Variants in CLSTN2 observed in about 807,000 individuals in gnomAD.
CLSTN2 encodes calsyntenin-2.
Under a neutral mutation model 101.2 loss-of-function variants are expected in CLSTN2, and 48 were observed. The ratio of observed to expected loss-of-function variants is 0.47; its 90% CI spans 0.38 to 0.60. The LOEUF (loss-of-function observed/expected upper bound fraction) is 0.60, where lower values mean the gene tolerates loss of function less well. CLSTN2 is among the 20% of genes least tolerant of loss of function. The pLI is 0.00. For missense variants in CLSTN2, 1,160 were observed against 1,238.2 expected (o/e 0.94, Z 0.95); for synonymous variants, 481 against 463.6 (o/e 1.04, Z -0.48).
chr3:140,359,993 TACACACAC>T (rs55746611), intron 2 of CLSTN2, among the ~76,000 whole-genome samples: 55,459 of 145,706 alleles, frequency 0.38, 11,336 homozygotes, highest in Non-Finnish European at 0.48. Context: ...ACATATTTTA[TACACACAC>T]ACACACACAC....
intron 2 of CLSTN2, among the ~76,000 whole-genome samples, chr3:140,373,353 C>T (rs60991598): frequency 0.027 from 4,061 of 152,272 alleles, 201 homozygotes; most frequent in African/African-American, 0.094. Flanking sequence ...GCCTCTTCCC[C>T]CTACTGCTCC....
intron 9 of CLSTN2, among the ~76,000 whole-genome samples, chr3:140,533,088 C>T (rs1187592607): frequency 6.6e-6 from 1 of 152,206 alleles, no homozygotes; most frequent in Non-Finnish European, 1.5e-5. Flanking sequence ...CTGCCCCTTC[C>T]TCTCTTCTTG....
intron 2 of CLSTN2, among the ~76,000 whole-genome samples, chr3:140,272,862 G>A (rs2086755688): frequency 6.6e-6 from 1 of 152,042 alleles, no homozygotes; most frequent in Non-Finnish European, 1.5e-5. Flanking sequence ...CTTTAAGGAA[G>A]GTTGTGATTG....
At chr3:140,165,400 G>A (rs1203190935) in intron 1 of CLSTN2, among the ~76,000 whole-genome samples, 3 of 152,200 alleles carry the variant, frequency 2.0e-5, no homozygotes, top group African/African-American at 7.2e-5. Context: ...GTTAGGAACT[G>A]TAGACATCGT....
At chr3:140,347,473 A>C (rs2087560815) in intron 2 of CLSTN2, among the ~76,000 whole-genome samples, 1 of 152,200 alleles carries the variant, frequency 6.6e-6, no homozygotes, top group Non-Finnish European at 1.5e-5. Flanking sequence ...ACTCATCATG[A>C]TTCTGCTGTT....
chr3:140,527,228 C>T (rs1171632367), intron 8 of CLSTN2, among the ~76,000 whole-genome samples: 1 of 151,896 alleles, frequency 6.6e-6, no homozygotes, highest in Non-Finnish European at 1.5e-5. Flanking sequence ...CATAAATCAA[C>T]AAGCAAAAAC....
intron 1 of CLSTN2, among the ~76,000 whole-genome samples, chr3:140,045,089 A>C (rs1474581809): frequency 6.6e-6 from 1 of 152,188 alleles, no homozygotes; most frequent in African/African-American, 2.4e-5. Flanking sequence ...TGATTGGAAT[A>C]GTTTCAGAAG....
chr3:139,974,524 G>A (rs1935776599), intron 1 of CLSTN2, among the ~76,000 whole-genome samples: 1 of 152,208 alleles, frequency 6.6e-6, no homozygotes, highest in South Asian at 2.1e-4. Context: ...GGGAGATGGG[G>A]TGTCTGGAAG....
chr3:140,214,432 C>T (rs1382999536), intron 2 of CLSTN2, among the ~76,000 whole-genome samples: 1 of 140,616 alleles, frequency 7.1e-6, no homozygotes, highest in Non-Finnish European at 1.5e-5. Context: ...CCAGCCTGGG[C>T]CTTGCAGTGA....
At chr3:140,057,898 C>T (rs969544272) in intron 1 of CLSTN2, among the ~76,000 whole-genome samples, 3 of 152,064 alleles carry the variant, frequency 2.0e-5, no homozygotes, top group African/African-American at 7.2e-5. Flanking sequence ...TGCAGTAACC[C>T]ATGGAAATGA....
chr3:140,321,985 A>G (rs546409296), intron 2 of CLSTN2, among the ~76,000 whole-genome samples: 16 of 152,324 alleles, frequency 1.1e-4, no homozygotes, highest in African/African-American at 3.6e-4. Flanking sequence ...GCAGATGCCA[A>G]GGCCCTCACT....
intron 1 of CLSTN2, among the ~76,000 whole-genome samples, chr3:139,943,572 A>T (rs1369235216): frequency 1.3e-5 from 2 of 152,146 alleles, no homozygotes. Flanking sequence ...GTGCCTTGAG[A>T]TCCTGGGGTG....
chr3:140,403,296 T>C (rs1293532660), intron 2 of CLSTN2, among the ~76,000 whole-genome samples: 4 of 150,970 alleles, frequency 2.6e-5, no homozygotes, highest in Non-Finnish European at 4.4e-5. Flanking sequence ...GTGGGGGAGG[T>C]AGAGGGAATT....
At chr3:140,135,789 G>C (rs577671549) in intron 1 of CLSTN2, among the ~76,000 whole-genome samples, 1 of 152,250 alleles carries the variant, frequency 6.6e-6, no homozygotes, top group South Asian at 2.1e-4. Flanking sequence ...TTTGTTATGA[G>C]AGTCTTTTCC....
chr3:140,216,621 T>G (rs1576470580), intron 2 of CLSTN2, among the ~76,000 whole-genome samples: 1 of 152,202 alleles, frequency 6.6e-6, no homozygotes, highest in East Asian at 1.9e-4. Flanking sequence ...GTTGAGACCC[T>G]GTGATTTAAG....
chr3:140,464,990 C>T (rs1050902504), intron 7 of CLSTN2, among the ~76,000 whole-genome samples: 1 of 152,170 alleles, frequency 6.6e-6, no homozygotes, highest in African/African-American at 2.4e-5. Flanking sequence ...GTGTGATAGT[C>T]CTTCTAATAA....
intron 8 of CLSTN2, among the ~76,000 whole-genome samples, chr3:140,490,495 A>T (rs118179489): frequency 6.7e-6 from 1 of 148,608 alleles, no homozygotes; most frequent in African/African-American, 2.5e-5. Flanking sequence ...CCTTGCTGCT[A>T]TTTGCCCTGG....
rs1985433228 is a variant in CLSTN2 at position 140,568,985 on chromosome 3, G to A, written c.*2732G>A. On this transcript the variant is annotated 3_prime_UTR_variant, in exon 17 of 17. Transcript: ENST00000458420. ...TTTCCCTCAACTCTGGCTATAAGAG[G>A]TCATTCTCTGCATGTCAGCTACAAA... 1 of 152,170 alleles carries A rather than the reference G, an allele frequency of 6.6e-6. No homozygotes were observed. The highest frequency in any genetic ancestry group is 1.5e-5 in the Non-Finnish European group (1 of 68,044). 9.4% of individuals were successfully genotyped at this position (152,170 alleles called of 1,614,324 possible).
chr3:139,949,489 G>C (rs1326398519), intron 1 of CLSTN2, among the ~76,000 whole-genome samples: 6 of 152,176 alleles, frequency 3.9e-5, no homozygotes, highest in African/African-American at 1.4e-4. Flanking sequence ...GTTATTGCTG[G>C]CATGAGCTGA....
Sources: allele counts gnomAD v4.1 joint callset (sites outside exome capture counted in the v4.1 genomes callset), GRCh38; gene constraint gnomAD v4.1.1; transcripts MANE v1.5; gene names NCBI Gene and HGNC (gene_info 2026-07-23, HGNC 2026-07-21).